The following ZBTB16 variants were observed in gnomAD, a reference collection of about 807,000 sequenced individuals.
The protein encoded by ZBTB16 is zinc finger and BTB domain containing 16.
Under a neutral mutation model 56.8 loss-of-function variants are expected in ZBTB16, and 8 were observed. The observed-to-expected ratio is 0.14, with a 90% CI of 0.08 to 0.25. The LOEUF is 0.25. Ranked by LOEUF, ZBTB16 falls within the 10% of genes least tolerant of loss-of-function variation. The pLI is 1.00. For missense variants in ZBTB16, 625 were observed against 903.0 expected (o/e 0.69, Z 3.95); for synonymous variants, 363 against 368.5 (o/e 0.98, Z 0.17).
At chr11:114,223,784 A>C (rs1242802045) in intron 4 of ZBTB16, among the ~76,000 whole-genome samples, 1 of 152,150 alleles carries the variant, frequency 6.6e-6, no homozygotes, top group African/African-American at 2.4e-5. Flanking sequence ...ACTTGGATGG[A>C]GGCTTCCTGG....
At chr11:114,069,562 G>A (rs1183917372) in intron 2 of ZBTB16, among the ~76,000 whole-genome samples, 1 of 152,202 alleles carries the variant, frequency 6.6e-6, no homozygotes, top group African/African-American at 2.4e-5. Flanking sequence ...CTCTCAGATG[G>A]TCAGCTGCTC....
chr11:114,213,594 A>ACCTCAGACTGTGTTATTTGGTC (rs1438409100), intron 4 of ZBTB16, among the ~76,000 whole-genome samples: 3 of 152,226 alleles, frequency 2.0e-5, no homozygotes, highest in Non-Finnish European at 4.4e-5. Flanking sequence ...GCCAGTGCTT[A>ACCTCAGACTGTGTTATTTGGTC]CCTCAGACTG....
intron 4 of ZBTB16, among the ~76,000 whole-genome samples, chr11:114,235,623 TC>T (rs1591804827): frequency 2.0e-5 from 1 of 50,300 alleles, no homozygotes. Context: ...TCTTTCCCTC[TC>T]CCTTCCTTTC....
chr11:114,158,803 G>T (rs535614977), intron 3 of ZBTB16, among the ~76,000 whole-genome samples: 3 of 152,200 alleles, frequency 2.0e-5, no homozygotes, highest in African/African-American at 7.2e-5. Context: ...TCCTGTCCAC[G>T]TTATGTCCAG....
At chr11:114,115,695 A>T (rs2137791006) in intron 2 of ZBTB16, among the ~76,000 whole-genome samples, 1 of 152,278 alleles carries the variant, frequency 6.6e-6, no homozygotes, top group South Asian at 2.1e-4. Context: ...ACAGCCACGT[A>T]TTAAGGTTTC....
At chr11:114,124,553 A>C (rs1335235903) in intron 2 of ZBTB16, among the ~76,000 whole-genome samples, 3 of 137,972 alleles carry the variant, frequency 2.2e-5, no homozygotes, top group Admixed American at 2.2e-4. Context: ...ACAAAAAAAA[A>C]AACCAAAAAA....
At chr11:114,147,025 C>T (rs150499192) in intron 2 of ZBTB16, among the ~76,000 whole-genome samples, 88 of 152,228 alleles carry the variant, frequency 5.8e-4, no homozygotes, top group African/African-American at 1.7e-3. Flanking sequence ...ACAGGTAATC[C>T]GTTCAGTCTC....
At chr11:114,123,359 C>T (rs1476317580) in intron 2 of ZBTB16, among the ~76,000 whole-genome samples, 2 of 152,176 alleles carry the variant, frequency 1.3e-5, no homozygotes, top group African/African-American at 4.8e-5. Context: ...GCTGAATACC[C>T]TGCCAAGACA....
intron 4 of ZBTB16, among the ~76,000 whole-genome samples, chr11:114,235,791 CTT>C (rs576028880): frequency 1.2e-4 from 14 of 115,264 alleles, no homozygotes; most frequent in Non-Finnish European, 2.3e-4. Flanking sequence ...CTTCCTTCTC[CTT>C]TTTTTTTTTT....
At chr11:114,210,028 G>A in intron 4 of ZBTB16, 1 of 932,202 alleles carries the variant, frequency 1.1e-6, no homozygotes, top group Non-Finnish European at 1.3e-6. Context: ...TTCCTCATTG[G>A]TAGAAGAGGG....
intron 2 of ZBTB16, among the ~76,000 whole-genome samples, chr11:114,090,101 T>C (rs1940129090): frequency 6.6e-6 from 1 of 152,222 alleles, no homozygotes; most frequent in South Asian, 2.1e-4. Context: ...GCATTATTGC[T>C]CTCATGCCCA....
chr11:114,184,924 A>G (rs1943328158), intron 3 of ZBTB16, among the ~76,000 whole-genome samples: 2 of 152,338 alleles, frequency 1.3e-5, no homozygotes, highest in South Asian at 4.1e-4. Context: ...GGAATCCCCC[A>G]GCACTTTGGG....
Position 114,063,657 on chromosome 11 carries a change from G to A in ZBTB16, c.357G>A (p.Leu119=). ...TCGAGTACCTGGAGGAACAGTGCCTGAAGATGCTGGAGACCATCCAGGCCT... is the reference window on the plus strand; with the variant it reads ...TCGAGTACCTGGAGGAACAGTGCCTAAAGATGCTGGAGACCATCCAGGCCT... ...LEIEYLEEQC[L]KMLETIQASD... is the part of the protein sequence containing the mutation. The change falls in exon 2 of 7, where the codon CTG becomes CTA. Residue 119 remains leucine (L), a synonymous_variant. Coordinates refer to ENST00000335953, the MANE Select transcript of ZBTB16 (RefSeq NM_006006.6). The surrounding 1 kb of genome is among the most constrained non-coding windows in gnomAD (Gnocchi z 6.5). 1.2e-6 allele frequency: 2 copies of A among 1,614,112 alleles called. No homozygotes were observed. The highest frequency in any genetic ancestry group is 1.7e-6 in the Non-Finnish European group (2 of 1,180,032).
At chr11:114,088,983 C>T (rs537358669) in intron 2 of ZBTB16, among the ~76,000 whole-genome samples, 7 of 152,300 alleles carry the variant, frequency 4.6e-5, no homozygotes, top group African/African-American at 1.4e-4. Flanking sequence ...TGTGCACCCA[C>T]AGGGTGACCA....
chr11:114,131,333 G>C (rs889731142), intron 2 of ZBTB16, among the ~76,000 whole-genome samples: 34 of 152,200 alleles, frequency 2.2e-4, no homozygotes, highest in African/African-American at 8.0e-4. Context: ...TGCCAATAGT[G>C]CTGAGGCTGA....
At chr11:114,213,568 G>C (rs1944037680) in intron 4 of ZBTB16, among the ~76,000 whole-genome samples, 1 of 152,192 alleles carries the variant, frequency 6.6e-6, no homozygotes, top group Non-Finnish European at 1.5e-5. Flanking sequence ...TGAAGTCACT[G>C]GGTGCCACAA....
intron 4 of ZBTB16, among the ~76,000 whole-genome samples, chr11:114,207,062 G>T (rs1186524481): frequency 6.6e-6 from 1 of 152,160 alleles, no homozygotes; most frequent in Admixed American, 6.5e-5. Context: ...GCAATGGAGG[G>T]TGGATGCAGA....
chr11:114,207,269 G>A (rs1215671663), intron 4 of ZBTB16, among the ~76,000 whole-genome samples: 1 of 152,108 alleles, frequency 6.6e-6, no homozygotes, highest in East Asian at 1.9e-4. Context: ...TTAATAGCAA[G>A]CAAAGGTTCC....
chr11:114,240,306 C>A (rs186409375), intron 4 of ZBTB16, among the ~76,000 whole-genome samples: 2 of 152,252 alleles, frequency 1.3e-5, no homozygotes, highest in Non-Finnish European at 2.9e-5. Context: ...TGGTGAGGAC[C>A]AGACCTCTCA....
Sources: gnomAD v4.1 joint callset for allele counts (sites outside exome capture counted in the v4.1 genomes callset) on GRCh38, gnomAD v4.1.1 for gene constraint, Gnocchi (gnomAD v3.1) non-coding constraint, MANE v1.5 for transcripts, NCBI Gene and HGNC (gene_info 2026-07-23, HGNC 2026-07-21) for gene names.